Variants in JAM2 observed in about 807,000 individuals in gnomAD.
The protein encoded by JAM2 is junctional adhesion molecule B.
A neutral mutation model predicts 42.0 loss-of-function variants in JAM2; 17 were observed. That is an observed-to-expected ratio of 0.40 (90% CI 0.28 to 0.61). The LOEUF (loss-of-function observed/expected upper bound fraction) is 0.61, where lower values mean the gene tolerates loss of function less well. JAM2 is among the 20% of genes least tolerant of loss of function. The pLI is 0.37. For missense variants in JAM2, 319 were observed against 358.3 expected (o/e 0.89, Z 0.89); for synonymous variants, 118 against 128.6 (o/e 0.92, Z 0.56).
At chr21:25,679,558 T>A (rs2033580362) in intron 1 of JAM2, among the ~76,000 whole-genome samples, 1 of 152,170 alleles carries the variant, frequency 6.6e-6, no homozygotes, top group African/African-American at 2.4e-5. Flanking sequence ...CTGCAAAACA[T>A]CCTACAGTGC....
At chr21:25,681,284 C>T (rs1278502541) in intron 1 of JAM2, among the ~76,000 whole-genome samples, 4 of 152,252 alleles carry the variant, frequency 2.6e-5, no homozygotes, top group East Asian at 1.9e-4. Flanking sequence ...AAGACATACC[C>T]GAGACTGGGT....
At position 25,702,286 on chromosome 21, in the gene JAM2, G is replaced by C; in HGVS notation, c.697+17G>C. 2 of 1,518,988 alleles carry C rather than the reference G, an allele frequency of 1.3e-6. No individual in the cohort carries two copies. Among genetic ancestry groups the C allele is most frequent in the Non-Finnish European group, 1.8e-6 (2 of 1,100,212 alleles). The allele number at this position is 1,518,988 out of a possible 1,614,324, so 94.1% of individuals were successfully genotyped here. On this transcript the variant is annotated intron_variant, in intron 6 of 9. Coordinates refer to ENST00000480456, the MANE Select transcript of JAM2 (RefSeq NM_021219.4). The stretch of plus-strand genomic sequence containing the variant: ...TGCAAGTAGGTAAGCATGAAATATT[G>C]GGAGGAACAAATGGTTTGCAATTCG...
rs145571285 is a variant in JAM2, at chr21:25,652,130, A to G, written c.67+12242A>G. ...GCTGGGCATGGTGGTTTACACTTGT[A>G]ATCCCCATACTTTGGGAGGCCCAGG... is the stretch of plus-strand genomic sequence containing the variant. On this transcript the variant is annotated intron_variant, in intron 1 of 9. Coordinates refer to ENST00000480456, the MANE Select transcript of JAM2 (RefSeq NM_021219.4). Among the ~76,000 whole-genome samples, 9 of 152,298 alleles carry G rather than the reference A, an allele frequency of 5.9e-5. No individual in the cohort carries two copies. In the East Asian group the frequency reaches 1.7e-3, roughly 29 times the overall value.
chr21:25,683,098 C>T (rs1279556819), intron 1 of JAM2, among the ~76,000 whole-genome samples: 4 of 152,088 alleles, frequency 2.6e-5, no homozygotes, highest in Admixed American at 1.3e-4. Context: ...TTGAGGGTCA[C>T]GGGTCTCCAG....
chr21:25,664,285 G>C (rs2033161731), intron 1 of JAM2, among the ~76,000 whole-genome samples: 1 of 152,020 alleles, frequency 6.6e-6, no homozygotes, highest in East Asian at 1.9e-4. Context: ...TCCCAGGCGG[G>C]AGTGCAGTGG....
At chr21:25,682,875 C>T (rs976458766) in intron 1 of JAM2, among the ~76,000 whole-genome samples, 1 of 151,948 alleles carries the variant, frequency 6.6e-6, no homozygotes, top group Non-Finnish European at 1.5e-5. Flanking sequence ...TCTCTGACCA[C>T]CCCCAGTCGA....
chr21:25,695,633 G>A (rs1025681728), intron 4 of JAM2, among the ~76,000 whole-genome samples: 1 of 151,548 alleles, frequency 6.6e-6, no homozygotes, highest in Admixed American at 6.6e-5. Flanking sequence ...GGATGGGGCG[G>A]CGGCAGGGCG....
At chr21:25,671,471 T>C (rs61541014) in intron 1 of JAM2, among the ~76,000 whole-genome samples, 14 of 152,272 alleles carry the variant, frequency 9.2e-5, no homozygotes, top group African/African-American at 2.2e-4. Context: ...CTATTTATTA[T>C]ATACAACCTA....
chr21:25,700,958 A>G (rs1167856233), intron 5 of JAM2, among the ~76,000 whole-genome samples: 1 of 152,256 alleles, frequency 6.6e-6, no homozygotes, highest in African/African-American at 2.4e-5. Context: ...TAAAAGCCCC[A>G]AGGCAAGTCT....
chr21:25,702,352 C>A, intron 6 of JAM2, 83 bp downstream of exon 6: 1 of 715,850 alleles, frequency 1.4e-6, no homozygotes, highest in Non-Finnish European at 2.4e-6. Context: ...GAGCAAGGAG[C>A]AGGAAATGTC....
rs2032983016 is a variant in JAM2 at position 25,657,930 on chromosome 21, T to G, written c.67+18042T>G. Among the ~76,000 whole-genome samples, 4 of 152,224 alleles carry G rather than the reference T, an allele frequency of 2.6e-5. No individual in the cohort carries two copies. In the South Asian group the frequency reaches 8.3e-4, roughly 31 times the overall value. ...GCAAGAAAATAGGCTCCAAAAATGC[T>G]GGATATTCATAAAGTTGACTGTATA... On this transcript the variant is annotated intron_variant, in intron 1 of 9. Coordinates refer to ENST00000480456, the MANE Select transcript of JAM2 (RefSeq NM_021219.4).
chr21:25,703,058 G>A (rs1450819068), intron 6 of JAM2, among the ~76,000 whole-genome samples: 1 of 152,138 alleles, frequency 6.6e-6, no homozygotes, highest in Non-Finnish European at 1.5e-5. Flanking sequence ...CACCGTGTTG[G>A]TCAGGCTGCT....
chr21:25,646,845 G>A (rs1002920169), intron 1 of JAM2, among the ~76,000 whole-genome samples: 3 of 152,162 alleles, frequency 2.0e-5, no homozygotes, highest in African/African-American at 7.2e-5. Flanking sequence ...TAACAGACAG[G>A]AATTTTGGTT....
intron 1 of JAM2, among the ~76,000 whole-genome samples, chr21:25,669,063 T>A (rs541376933): frequency 6.6e-6 from 1 of 151,946 alleles, no homozygotes; most frequent in Admixed American, 6.5e-5. Flanking sequence ...TGTAATGAAA[T>A]AGTCATTACC....
At chr21:25,651,076 A>C (rs535256970) in intron 1 of JAM2, among the ~76,000 whole-genome samples, 17 of 149,416 alleles carry the variant, frequency 1.1e-4, no homozygotes, top group Admixed American at 1.3e-4. Flanking sequence ...AAAAAAAAAA[A>C]AAAAAAACAA....
At chr21:25,647,778 T>A (rs989561186) in intron 1 of JAM2, among the ~76,000 whole-genome samples, 51 of 152,324 alleles carry the variant, frequency 3.3e-4, no homozygotes, top group African/African-American at 1.2e-3. Flanking sequence ...CAGCTAAGAT[T>A]CACAGACAAG....
At chr21:25,680,563 C>G (rs2829861) in intron 1 of JAM2, among the ~76,000 whole-genome samples, 60,561 of 151,984 alleles carry the variant, frequency 0.4, 12,134 homozygotes, top group East Asian at 0.5. Flanking sequence ...GCAAGCTGAT[C>G]AGTTTTGCCT....
chr21:25,645,130 C>T (rs2032569479), intron 1 of JAM2, among the ~76,000 whole-genome samples: 1 of 152,214 alleles, frequency 6.6e-6, no homozygotes, highest in Non-Finnish European at 1.5e-5. Context: ...ATCTGCCTGC[C>T]TTGGCTTCCC....
intron 1 of JAM2, among the ~76,000 whole-genome samples, chr21:25,660,782 A>ATTTTTTTTTTT (rs869192568): frequency 4.8e-5 from 2 of 41,316 alleles, no homozygotes; most frequent in Non-Finnish European, 7.3e-5. Flanking sequence ...ATATATATAT[A>ATTTTTTTTTTT]TTTTTTTTTT....
Sources: allele counts gnomAD v4.1 joint callset (sites outside exome capture counted in the v4.1 genomes callset), GRCh38; gene constraint gnomAD v4.1.1; transcripts MANE v1.5; gene names NCBI Gene and HGNC (gene_info 2026-07-23, HGNC 2026-07-21).